The following NDST4 variants were observed in gnomAD, a reference collection of about 807,000 sequenced individuals.
NDST4 encodes the protein N-deacetylase and N-sulfotransferase 4.
NDST4 carries 63 observed loss-of-function variants against 100.8 expected under a neutral mutation model. The ratio of observed to expected loss-of-function variants is 0.62; its 90% CI spans 0.51 to 0.77. The LOEUF (loss-of-function observed/expected upper bound fraction) is 0.77. Ranked by LOEUF, NDST4 falls within the 30% of genes least tolerant of loss-of-function variation. NDST4 has a pLI of 0.00. For missense variants in NDST4, 943 were observed against 1,018.4 expected (o/e 0.93, Z 1.01); for synonymous variants, 377 against 361.8 (o/e 1.04, Z -0.48).
chr4:114,909,367 A>G (rs1353703332), intron 6 of NDST4, among the ~76,000 whole-genome samples: 1 of 152,154 alleles, frequency 6.6e-6, no homozygotes, highest in Admixed American at 6.6e-5. Flanking sequence ...CTTCTTAGAA[A>G]GCTAAATTAT....
intron 2 of NDST4, among the ~76,000 whole-genome samples, chr4:115,010,927 T>C (rs279528): frequency 0.34 from 50,935 of 151,866 alleles, 8,603 homozygotes; most frequent in Middle Eastern, 0.48. Flanking sequence ...AACCATTTGA[T>C]TAAATACAAT....
chr4:114,980,904 T>C lies in NDST4; in HGVS notation c.979-3630A>G, dbSNP rs368682382. Among the ~76,000 whole-genome samples, 45 of 152,234 alleles carry C rather than the reference T, an allele frequency of 3.0e-4. No individual in the cohort carries two copies. In the East Asian group the frequency reaches 8.3e-3, roughly 28 times the overall value. On this transcript the variant is annotated intron_variant, in intron 2 of 13. Coordinates refer to ENST00000264363, the MANE Select transcript of NDST4 (RefSeq NM_022569.3). Reference sequence around the variant, plus strand: ...TTAATTCAATAGTCTCCTAATAAATTTCTTAGTATTTCAGAAAGGAAGTCT... The same window carrying C: ...TTAATTCAATAGTCTCCTAATAAATCTCTTAGTATTTCAGAAAGGAAGTCT...
At chr4:114,893,223 AT>A (rs1247660875) in intron 6 of NDST4, among the ~76,000 whole-genome samples, 30 of 152,244 alleles carry the variant, frequency 2.0e-4, no homozygotes, top group African/African-American at 7.2e-4. Flanking sequence ...ATGTGTCCTT[AT>A]GATAGAATGA....
intron 1 of NDST4, among the ~76,000 whole-genome samples, chr4:115,095,994 C>A (rs1157254883): frequency 6.6e-6 from 1 of 151,772 alleles, no homozygotes; most frequent in Non-Finnish European, 1.5e-5. Context: ...TATCCTTTAA[C>A]TTTACACTCT....
intron 2 of NDST4, among the ~76,000 whole-genome samples, chr4:114,987,102 T>C (rs1418794093): frequency 6.6e-6 from 1 of 152,032 alleles, no homozygotes; most frequent in Non-Finnish European, 1.5e-5. Context: ...ATGAATCTTT[T>C]AGTCATTTTA....
Position 114,935,347 on chromosome 4 carries a change from G to C in NDST4, c.1408-13C>G. 5 of 1,554,118 alleles carry C rather than the reference G, an allele frequency of 3.2e-6. No individual in the cohort carries two copies. The highest frequency in any genetic ancestry group is 4.8e-5 in the East Asian group (2 of 41,764). ...GTCGAGGGAGGACCTGAGTAAAAAA[G>C]GGGAAAAACAGCACATGGACGTGAT... is the stretch of plus-strand genomic sequence containing the variant. On this transcript the variant is annotated splice_polypyrimidine_tract_variant and intron_variant, in intron 5 of 13. Transcript: ENST00000264363.
At chr4:114,882,937 A>G (rs572734342) in intron 6 of NDST4, among the ~76,000 whole-genome samples, 9 of 152,192 alleles carry the variant, frequency 5.9e-5, no homozygotes, top group African/African-American at 2.2e-4. Flanking sequence ...AAGAGAGTGG[A>G]ATAAAATATT....
At chr4:114,891,476 GT>G (rs905971601) in intron 6 of NDST4, among the ~76,000 whole-genome samples, 48 of 152,040 alleles carry the variant, frequency 3.2e-4, no homozygotes, top group African/African-American at 1.1e-3. Context: ...CAGAATCTTT[GT>G]TTTACTCATT....
At chr4:114,985,023 C>A (rs967599594) in intron 2 of NDST4, among the ~76,000 whole-genome samples, 1 of 152,030 alleles carries the variant, frequency 6.6e-6, no homozygotes, top group African/African-American at 2.4e-5. Context: ...AAGTTTTCTA[C>A]GTAATATCAT....
chr4:115,012,769 C>T (rs1213667569), intron 2 of NDST4, among the ~76,000 whole-genome samples: 2 of 151,702 alleles, frequency 1.3e-5, no homozygotes, highest in Non-Finnish European at 2.9e-5. Flanking sequence ...TTCATAATAG[C>T]CAAAACGTGG....
At chr4:114,849,628 C>T (rs1723629364) in intron 8 of NDST4, among the ~76,000 whole-genome samples, 1 of 152,060 alleles carries the variant, frequency 6.6e-6, no homozygotes, top group Non-Finnish European at 1.5e-5. Flanking sequence ...GGGGACCAAC[C>T]ACCTTGATGG....
chr4:114,866,262 G>T (rs988197673), intron 7 of NDST4, among the ~76,000 whole-genome samples: 2 of 152,124 alleles, frequency 1.3e-5, no homozygotes, highest in Non-Finnish European at 2.9e-5. Flanking sequence ...TCTCTCATAG[G>T]TAGATTATTT....
chr4:115,088,495 A>G (rs562435239), intron 1 of NDST4, among the ~76,000 whole-genome samples: 49 of 151,990 alleles, frequency 3.2e-4, no homozygotes, highest in Non-Finnish European at 5.3e-4. Flanking sequence ...ATCTTCAGGT[A>G]TCTGAATGGC....
intron 4 of NDST4, among the ~76,000 whole-genome samples, chr4:114,959,043 C>T (rs1159023147): frequency 6.6e-6 from 1 of 151,984 alleles, no homozygotes; most frequent in Non-Finnish European, 1.5e-5. Flanking sequence ...GCAAAATGTC[C>T]CCAGTCTCTT....
At chr4:114,977,316 T>C in intron 2 of NDST4, 42 bp from the exon 3 acceptor site, 1 of 1,404,154 alleles carries the variant, frequency 7.1e-7, no homozygotes, top group Middle Eastern at 1.8e-4. Context: ...GAAAAATAAA[T>C]ATGAAGTTTT....
chr4:114,992,402 T>C (rs1363232412), intron 2 of NDST4, among the ~76,000 whole-genome samples: 1 of 151,952 alleles, frequency 6.6e-6, no homozygotes, highest in Non-Finnish European at 1.5e-5. Context: ...GTTTCCATTA[T>C]GTGATGCATT....
In NDST4 at chr4:114,946,962, G is replaced by GT. The variant is rs375177866; in HGVS notation, c.1222-9460dup. ...TTGTAATAACAGAAGTATGTGAAAGGTTTTTTTTTTGTTGGTCGATTTTTT... is the reference window on the plus strand; with the variant it reads ...TTGTAATAACAGAAGTATGTGAAAGGTTTTTTTTTTTGTTGGTCGATTTTTT... On this transcript the variant is annotated intron_variant, in intron 4 of 13. Transcript: ENST00000264363. Among the ~76,000 whole-genome samples the GT allele has an allele frequency of 4.5e-4, 66 of 148,206 alleles. 2 individuals are homozygous for GT. Among genetic ancestry groups the GT allele is most frequent in the East Asian group, 1.4e-3 (7 of 5,074 alleles).
At chr4:115,068,010 T>G (rs1728988794) in intron 2 of NDST4, among the ~76,000 whole-genome samples, 1 of 151,480 alleles carries the variant, frequency 6.6e-6, no homozygotes, top group African/African-American at 2.4e-5. Flanking sequence ...TTTTTGTCCT[T>G]GTGATAGTTT....
chr4:115,075,212 T>C (rs1729153713), intron 2 of NDST4, among the ~76,000 whole-genome samples: 2 of 152,190 alleles, frequency 1.3e-5, no homozygotes, highest in Non-Finnish European at 1.5e-5. Context: ...ACATTCCCTA[T>C]AAAATGATTT....
Sources: gnomAD v4.1 joint callset for allele counts (sites outside exome capture counted in the v4.1 genomes callset) on GRCh38, gnomAD v4.1.1 for gene constraint, MANE v1.5 for transcripts, NCBI Gene and HGNC (gene_info 2026-07-23, HGNC 2026-07-21) for gene names.